SEMA6D: variants seen among roughly 807,000 people sequenced by gnomAD.
The protein encoded by SEMA6D is semaphorin 6D.
In SEMA6D, 35 loss-of-function variants were observed where a neutral mutation model predicts 106.6. The observed-to-expected ratio is 0.33, with a 90% CI of 0.25 to 0.44. SEMA6D has a LOEUF of 0.44. Ranked by LOEUF, SEMA6D falls within the 20% of genes least tolerant of loss-of-function variation. The pLI is 1.00. For missense variants in SEMA6D, 1,185 were observed against 1,345.9 expected, an observed-to-expected ratio of 0.88 and a Z score of 1.87; for synonymous variants, 499 against 487.7, an observed-to-expected ratio of 1.02 and a Z score of -0.31.
intron 1 of SEMA6D, among the ~76,000 whole-genome samples, chr15:47,224,285 G>A (rs1030783523): frequency 6.6e-6 from 1 of 151,538 alleles, no homozygotes; most frequent in Non-Finnish European, 1.5e-5. Flanking sequence ...TGAATGTTAT[G>A]TCTTTGGTGA....
intron 4 of SEMA6D, among the ~76,000 whole-genome samples, chr15:47,651,470 A>G (rs1485351250): frequency 1.3e-5 from 2 of 152,180 alleles, no homozygotes; most frequent in East Asian, 3.9e-4. Flanking sequence ...AAGAGCTCCT[A>G]TCAGTGGAAA....
At chr15:47,578,175 A>G (rs1003428379) in intron 3 of SEMA6D, among the ~76,000 whole-genome samples, 2 of 152,222 alleles carry the variant, frequency 1.3e-5, no homozygotes, top group Non-Finnish European at 2.9e-5. Flanking sequence ...CTCTGATTCC[A>G]AATCTTGTGA....
At chr15:47,370,681 C>T (rs1203110485) in intron 1 of SEMA6D, among the ~76,000 whole-genome samples, 3 of 72,666 alleles carry the variant, frequency 4.1e-5, no homozygotes, top group Admixed American at 3.7e-4. Context: ...GCCGTCTCTA[C>T]TTAAAAAAAA....
Position 47,771,986 on chromosome 15 carries a change from C to G in SEMA6D, c.*201C>G. On this transcript the variant is annotated 3_prime_UTR_variant, in exon 19 of 19. Coordinates refer to ENST00000536845, the MANE Select transcript of SEMA6D (RefSeq NM_001358351.3). ...AGGCTTCTGTGTACTTGCCTGAAAA[C>G]AAAGGAAGGTGCTGGTCATTCCATT... 1.7e-6 allele frequency: 1 copy of G among 582,618 alleles called. No homozygotes were observed. Among genetic ancestry groups the G allele is most frequent in the Non-Finnish European group, 3.0e-6 (1 of 331,684 alleles). 36.1% of individuals were successfully genotyped at this position (582,618 alleles called of 1,614,324 possible). A position where few individuals can be genotyped will look rare whatever the true frequency, so the allele number is the denominator to read the frequency against.
chr15:47,459,543 A>G (rs1020873163), intron 2 of SEMA6D, among the ~76,000 whole-genome samples: 3 of 152,110 alleles, frequency 2.0e-5, no homozygotes, highest in African/African-American at 7.2e-5. Flanking sequence ...GTGGTGACTT[A>G]CTAAACAAGA....
chr15:47,324,738 G>C (rs2037057261), intron 1 of SEMA6D, among the ~76,000 whole-genome samples: 1 of 150,932 alleles, frequency 6.6e-6, no homozygotes, highest in South Asian at 2.1e-4. Context: ...ATATGAATGT[G>C]TGCACATACG....
At chr15:47,568,012 A>G (rs533119565) in intron 3 of SEMA6D, among the ~76,000 whole-genome samples, 66 of 152,298 alleles carry the variant, frequency 4.3e-4, no homozygotes, top group Middle Eastern at 3.4e-3. Flanking sequence ...ACAATGTGCT[A>G]TTATTTAACC....
At chr15:47,673,552 A>C (rs1420531858) in intron 4 of SEMA6D, among the ~76,000 whole-genome samples, 1 of 152,186 alleles carries the variant, frequency 6.6e-6, no homozygotes, top group East Asian at 1.9e-4. Context: ...GTCACATTCC[A>C]TCCAGGGATA....
intron 11 of SEMA6D, 53 bp from the exon 12 acceptor site, chr15:47,764,585 C>T (rs1224666629): frequency 1.2e-6 from 2 of 1,601,916 alleles, no homozygotes; most frequent in African/African-American, 2.7e-5. Context: ...AGATACAGTA[C>T]ATGGTGTGGC....
chr15:47,231,164 C>T (rs995058666), intron 1 of SEMA6D, among the ~76,000 whole-genome samples: 2 of 151,846 alleles, frequency 1.3e-5, no homozygotes, highest in East Asian at 3.9e-4. Context: ...TTCTCTTTTT[C>T]TCTCTCTTTT....
chr15:47,520,588 A>G (rs1411464260), intron 3 of SEMA6D, among the ~76,000 whole-genome samples: 2 of 152,198 alleles, frequency 1.3e-5, no homozygotes, highest in African/African-American at 2.4e-5. Flanking sequence ...AGGATTAGAG[A>G]TATTGCACTG....
chr15:47,449,844 A>G (rs2042135892), intron 2 of SEMA6D, among the ~76,000 whole-genome samples: 1 of 152,096 alleles, frequency 6.6e-6, no homozygotes, highest in Admixed American at 6.6e-5. Context: ...GAAAATCCCT[A>G]AATACATATT....
At chr15:47,699,002 C>A (rs1367977602) in intron 4 of SEMA6D, among the ~76,000 whole-genome samples, 1 of 152,054 alleles carries the variant, frequency 6.6e-6, no homozygotes, top group Non-Finnish European at 1.5e-5. Context: ...CAGAGGCAGG[C>A]AAAGAGAAGT....
intron 4 of SEMA6D, among the ~76,000 whole-genome samples, chr15:47,656,155 G>A (rs1266121600): frequency 6.6e-6 from 1 of 152,232 alleles, no homozygotes; most frequent in African/African-American, 2.4e-5. Flanking sequence ...TCACATTTGA[G>A]TTATAGTGCT....
chr15:47,615,572 T>A (rs2144024893), intron 4 of SEMA6D, among the ~76,000 whole-genome samples: 1 of 152,308 alleles, frequency 6.6e-6, no homozygotes, highest in Admixed American at 6.5e-5. Context: ...TAGGGTTTTG[T>A]TTTTCACCTA....
chr15:47,589,133 G>A (rs1387301388), intron 3 of SEMA6D, among the ~76,000 whole-genome samples: 1 of 152,150 alleles, frequency 6.6e-6, no homozygotes, highest in African/African-American at 2.4e-5. Flanking sequence ...TGGATATGCC[G>A]GCTGAGTCAC....
intron 4 of SEMA6D, among the ~76,000 whole-genome samples, chr15:47,611,430 TACTC>T (rs1177423994): frequency 7.9e-5 from 12 of 152,272 alleles, no homozygotes; most frequent in African/African-American, 2.4e-4. Flanking sequence ...TTTGGGAAAA[TACTC>T]AAGCCAAAAC....
chr15:47,548,273 G>A (rs1174684713), intron 3 of SEMA6D, among the ~76,000 whole-genome samples: 1 of 152,164 alleles, frequency 6.6e-6, no homozygotes, highest in African/African-American at 2.4e-5. Context: ...TCCAAAGTAG[G>A]CTTTAGTAGG....
intron 4 of SEMA6D, among the ~76,000 whole-genome samples, chr15:47,622,678 AGT>A (rs2077129047): frequency 6.6e-6 from 1 of 152,148 alleles, no homozygotes; most frequent in Non-Finnish European, 1.5e-5. Flanking sequence ...AAGTCAATCA[AGT>A]GTGTGATTTT....
Sources: gnomAD v4.1 joint callset for allele counts (sites outside exome capture counted in the v4.1 genomes callset) on GRCh38, gnomAD v4.1.1 for gene constraint, MANE v1.5 for transcripts, NCBI Gene and HGNC (gene_info 2026-07-23, HGNC 2026-07-21) for gene names.